The following SORCS2 variants were observed in gnomAD, a reference collection of about 807,000 sequenced individuals.
The protein encoded by SORCS2 is sortilin related VPS10 domain containing receptor 2.
A neutral mutation model predicts 141.6 loss-of-function variants in SORCS2; 100 were observed. The observed-to-expected ratio is 0.71, with a 90% CI of 0.60 to 0.83. The LOEUF (loss-of-function observed/expected upper bound fraction) is 0.83. Ranked by LOEUF, SORCS2 falls within the 40% of genes least tolerant of loss-of-function variation. SORCS2 has a pLI of 0.00. For missense variants in SORCS2, 1,646 were observed against 1,560.2 expected (o/e 1.05, Z -0.93); for synonymous variants, 789 against 676.9 (o/e 1.17, Z -2.57).
At chr4:7,574,921 G>A (rs915661641) in intron 3 of SORCS2, among the ~76,000 whole-genome samples, 11 of 152,212 alleles carry the variant, frequency 7.2e-5, no homozygotes, top group South Asian at 2.1e-4. Flanking sequence ...CAGAAAAGTC[G>A]CCATGTCCCG....
At chr4:7,251,999 G>GC (rs991820494) in intron 1 of SORCS2, among the ~76,000 whole-genome samples, 8 of 152,204 alleles carry the variant, frequency 5.3e-5, no homozygotes, top group Non-Finnish European at 8.8e-5. Context: ...CTCTGGCTGA[G>GC]CCTCCTCTAA....
intron 2 of SORCS2, among the ~76,000 whole-genome samples, chr4:7,500,673 T>C (rs1157930606): frequency 6.6e-6 from 1 of 151,804 alleles, no homozygotes; most frequent in African/African-American, 2.4e-5. Context: ...GTGTGCCGGC[T>C]GGAGACTGTG....
intron 3 of SORCS2, among the ~76,000 whole-genome samples, chr4:7,600,698 C>CA (rs1259386622): frequency 2.9e-5 from 4 of 138,236 alleles, no homozygotes; most frequent in Non-Finnish European, 6.4e-5. Flanking sequence ...CACACACACA[C>CA]GATTAAAATG....
chr4:7,492,706 G>A (rs535641433), intron 2 of SORCS2, among the ~76,000 whole-genome samples: 1 of 152,326 alleles, frequency 6.6e-6, no homozygotes, highest in East Asian at 1.9e-4. Flanking sequence ...CTGCTGACAA[G>A]CATACCTGAA....
intron 2 of SORCS2, among the ~76,000 whole-genome samples, chr4:7,517,711 G>C (rs1043205338): frequency 2.0e-5 from 3 of 152,216 alleles, no homozygotes; most frequent in Non-Finnish European, 4.4e-5. Context: ...TGGAGGCTCA[G>C]AGCATCCCAC....
intron 1 of SORCS2, among the ~76,000 whole-genome samples, chr4:7,232,307 G>T (rs1711949689): frequency 6.6e-6 from 1 of 152,170 alleles, no homozygotes; most frequent in African/African-American, 2.4e-5. Flanking sequence ...GCCTTTTCCT[G>T]GGGAGGCTGC....
intron 10 of SORCS2, among the ~76,000 whole-genome samples, chr4:7,683,994 A>T (rs1723724031): frequency 6.6e-6 from 1 of 152,138 alleles, no homozygotes; most frequent in Non-Finnish European, 1.5e-5. Flanking sequence ...GGACCAGTGG[A>T]TGCAAGGGAG....
At chr4:7,327,224 G>A (rs1719323118) in intron 1 of SORCS2, among the ~76,000 whole-genome samples, 1 of 152,208 alleles carries the variant, frequency 6.6e-6, no homozygotes, top group Non-Finnish European at 1.5e-5. Flanking sequence ...ATAATCAAGG[G>A]AGTTATTGGG....
intron 1 of SORCS2, among the ~76,000 whole-genome samples, chr4:7,239,903 G>A (rs1560133280): frequency 6.6e-6 from 1 of 152,236 alleles, no homozygotes; most frequent in Non-Finnish European, 1.5e-5. Flanking sequence ...CTTTGGGGAA[G>A]GTGGACGTTG....
At chr4:7,671,819 C>T (rs7668169) in intron 8 of SORCS2, among the ~76,000 whole-genome samples, 44,616 of 151,940 alleles carry the variant, frequency 0.29, 11,244 homozygotes, top group African/African-American at 0.69. Flanking sequence ...CAAAACTCCC[C>T]CATCAATTTA....
At chr4:7,306,272 G>T (rs1283734018) in intron 1 of SORCS2, among the ~76,000 whole-genome samples, 1 of 152,164 alleles carries the variant, frequency 6.6e-6, no homozygotes, top group Non-Finnish European at 1.5e-5. Context: ...CTGTGCTGGG[G>T]CAGTGGGCTC....
intron 4 of SORCS2, 52 bp downstream of exon 4, chr4:7,638,544 A>T (rs1720422164): frequency 6.4e-7 from 1 of 1,553,810 alleles, no homozygotes; most frequent in Admixed American, 1.9e-5. Context: ...GGTCTGCTCG[A>T]CCCACCTGGA....
chr4:7,584,968 A>C (rs547811397), intron 3 of SORCS2, among the ~76,000 whole-genome samples: 2 of 152,236 alleles, frequency 1.3e-5, no homozygotes, highest in Non-Finnish European at 2.9e-5. Flanking sequence ...GGTGATGTGA[A>C]TCTCTTGTTG....
intron 3 of SORCS2, among the ~76,000 whole-genome samples, chr4:7,592,541 G>C (rs999189212): frequency 2.0e-5 from 3 of 152,242 alleles, no homozygotes; most frequent in Non-Finnish European, 4.4e-5. Context: ...CCACGGGGGA[G>C]TCAGTGGTGA....
chr4:7,483,342 A>G (rs1239092550), intron 2 of SORCS2, among the ~76,000 whole-genome samples: 1 of 145,448 alleles, frequency 6.9e-6, no homozygotes, highest in African/African-American at 2.6e-5. Flanking sequence ...AAAAAAAAAG[A>G]CAGTGAGGAG....
chr4:7,507,500 A>C (rs1029539106), intron 2 of SORCS2, among the ~76,000 whole-genome samples: 16 of 152,216 alleles, frequency 1.1e-4, no homozygotes, highest in African/African-American at 3.9e-4. Flanking sequence ...GTTTGTGTAG[A>C]AGAATAAGTG....
At chr4:7,368,778 C>T (rs888686701) in intron 1 of SORCS2, among the ~76,000 whole-genome samples, 1 of 152,200 alleles carries the variant, frequency 6.6e-6, no homozygotes, top group Non-Finnish European at 1.5e-5. Context: ...CAAATCTCAT[C>T]TTGAATGGGA....
At chr4:7,285,480 C>T (rs575052957) in intron 1 of SORCS2, among the ~76,000 whole-genome samples, 8 of 152,352 alleles carry the variant, frequency 5.3e-5, no homozygotes, top group African/African-American at 1.9e-4. Context: ...TATCTCATGC[C>T]CCACTCACCA....
intron 2 of SORCS2, among the ~76,000 whole-genome samples, chr4:7,508,925 G>A (rs879292576): frequency 6.6e-6 from 1 of 152,096 alleles, no homozygotes; most frequent in Non-Finnish European, 1.5e-5. Flanking sequence ...AGGGGGCCCG[G>A]CTGCAAGCTG....
Sources: gnomAD v4.1 joint callset for allele counts (sites outside exome capture counted in the v4.1 genomes callset) on GRCh38, gnomAD v4.1.1 for gene constraint, MANE v1.5 for transcripts, NCBI Gene and HGNC (gene_info 2026-07-23, HGNC 2026-07-21) for gene names.